Variants in SYT17 observed in about 807,000 individuals in gnomAD.
The protein encoded by SYT17 is synaptotagmin 17.
Under a neutral mutation model 46.7 loss-of-function variants are expected in SYT17, and 22 were observed. The ratio of observed to expected loss-of-function variants is 0.47; its 90% CI spans 0.34 to 0.67. The LOEUF is 0.67. Ranked by LOEUF, SYT17 falls within the 30% of genes least tolerant of loss-of-function variation. SYT17 has a pLI of 0.01. For missense variants in SYT17, 519 were observed against 612.8 expected, an observed-to-expected ratio of 0.85 and a Z score of 1.62; for synonymous variants, 251 against 248.4, an observed-to-expected ratio of 1.01 and a Z score of -0.10.
Position 19,268,197 on chromosome 16 carries a change from ATCTCTCTC to A in SYT17, c.*1131_*1138del, listed in dbSNP as rs917469208. The A allele has an allele frequency of 9.3e-6, 1 of 107,910 alleles. No individual in the cohort carries two copies. The highest frequency in any genetic ancestry group is 3.0e-5 in the African/African-American group (1 of 33,184). The allele number at this position is 107,910 out of a possible 1,614,324, so 6.7% of individuals were successfully genotyped here. A position where few individuals can be genotyped will look rare whatever the true frequency, so the allele number is the denominator to read the frequency against. ...TAAGGAATTAGTGTAGTTAGAATAGATCTCTCTCTCTCTCTCTTTCTCTCTCTCTCTTT... is the reference window on the plus strand; with the variant it reads ...TAAGGAATTAGTGTAGTTAGAATAGATCTCTCTCTTTCTCTCTCTCTCTTT... On this transcript the variant is annotated 3_prime_UTR_variant, in exon 8 of 8. Coordinates refer to ENST00000355377, the MANE Select transcript of SYT17 (RefSeq NM_016524.4).
intron 5 of SYT17, among the ~76,000 whole-genome samples, chr16:19,194,483 A>C (rs2142691257): frequency 6.6e-6 from 1 of 152,312 alleles, no homozygotes; most frequent in East Asian, 1.9e-4. Flanking sequence ...GGTCAACAGG[A>C]AACACCCTCA....
intron 7 of SYT17, among the ~76,000 whole-genome samples, chr16:19,250,614 T>C (rs1430620864): frequency 6.6e-6 from 1 of 152,166 alleles, no homozygotes. Context: ...GCTCAAGTGA[T>C]CCTCTTGCCT....
At chr16:19,243,260 G>C (rs1462713236) in intron 7 of SYT17, among the ~76,000 whole-genome samples, 1 of 152,202 alleles carries the variant, frequency 6.6e-6, no homozygotes, top group Non-Finnish European at 1.5e-5. Context: ...GCTCTTTGGG[G>C]CCTGTTGTTC....
At position 19,184,531 on chromosome 16, in the gene SYT17, G is replaced by A. The variant is rs190010789; in HGVS notation, c.951+384G>A. ...CTCCTGAGTAGCTGGGACTATAGGCGCCCGCCACCACGCCCTGCTAATTTT... is the reference window on the plus strand; with the variant it reads ...CTCCTGAGTAGCTGGGACTATAGGCACCCGCCACCACGCCCTGCTAATTTT... On this transcript the variant is annotated intron_variant, in intron 5 of 7. Coordinates refer to ENST00000355377, the MANE Select transcript of SYT17 (RefSeq NM_016524.4). Among the ~76,000 whole-genome samples, 78 of 150,230 alleles carry A rather than the reference G, an allele frequency of 5.2e-4. 1 individual carries two copies. Among genetic ancestry groups the A allele is most frequent in the African/African-American group, 1.6e-3 (66 of 40,932 alleles).
rs969958172 is a variant in SYT17 at position 19,197,250 on chromosome 16, G to A, written c.951+13103G>A. ...TGGCCAGAGCTGGGCCCAGGCCAGC[G>A]TCTTACAAAGCAGCCATTAACTAGA... On this transcript the variant is annotated intron_variant, in intron 5 of 7. Transcript: ENST00000355377. Among the ~76,000 whole-genome samples the A allele has an allele frequency of 5.3e-5, 8 of 152,330 alleles. No homozygotes were observed. In the South Asian group the frequency reaches 1.4e-3, roughly 28 times the overall value.
intron 7 of SYT17, among the ~76,000 whole-genome samples, chr16:19,258,411 C>G (rs1209450396): frequency 6.6e-6 from 1 of 152,106 alleles, no homozygotes; most frequent in East Asian, 1.9e-4. Flanking sequence ...GAGGCTGAGG[C>G]AGGCGAATCA....
intron 4 of SYT17, among the ~76,000 whole-genome samples, chr16:19,182,629 A>G (rs1051143830): frequency 1.3e-5 from 2 of 152,174 alleles, no homozygotes; most frequent in East Asian, 1.9e-4. Context: ...AGTACCTCCC[A>G]TGCCTCTGGC....
At chr16:19,220,303 C>CTTTCTTTCTTTTTTT (rs776097400) in intron 5 of SYT17, among the ~76,000 whole-genome samples, 2 of 80,512 alleles carry the variant, frequency 2.5e-5, no homozygotes, top group Admixed American at 1.7e-4. Context: ...TTCTTTCTTT[C>CTTTCTTTCTTTTTTT]TTTTTTTTTT....
chr16:19,244,897 G>A (rs768526079), intron 7 of SYT17, among the ~76,000 whole-genome samples: 51 of 152,336 alleles, frequency 3.3e-4, no homozygotes, highest in Non-Finnish European at 5.9e-4. Context: ...CTGAAACTCT[G>A]AAGGAGAGGC....
intron 7 of SYT17, among the ~76,000 whole-genome samples, chr16:19,230,210 C>A (rs1430933135): frequency 6.6e-6 from 1 of 152,060 alleles, no homozygotes; most frequent in East Asian, 1.9e-4. Context: ...GAGTTTGAGA[C>A]CAGCCTGGCC....
At chr16:19,211,263 G>A (rs902721644) in intron 5 of SYT17, 31 of 542,670 alleles carry the variant, frequency 5.7e-5, no homozygotes, top group Non-Finnish European at 3.6e-5. Context: ...TCCTGTCTTG[G>A]CTTCGATTCT....
At chr16:19,174,945 C>A (rs549906823) in intron 3 of SYT17, among the ~76,000 whole-genome samples, 8 of 152,058 alleles carry the variant, frequency 5.3e-5, no homozygotes, top group African/African-American at 1.9e-4. Flanking sequence ...TAGTGAGACC[C>A]CCCCCATGCC....
rs143144594 is a variant in SYT17 at position 19,261,448 on chromosome 16, A to G, written c.1229-5432A>G. On this transcript the variant is annotated intron_variant, in intron 7 of 7. Coordinates refer to ENST00000355377, the MANE Select transcript of SYT17 (RefSeq NM_016524.4). ...CAAGGGCCAAGTGATTCACCAGCCA[A>G]GTTACTTTACAAATTGGGATGAGGA... 3.6e-3 allele frequency among the ~76,000 whole-genome samples: 550 copies of G among 152,360 alleles called. 6 individuals carry two copies. The highest frequency in any genetic ancestry group is 0.014 in the Middle Eastern group (4 of 294).
Position 19,224,793 on chromosome 16 carries a change from A to G in SYT17, c.1183A>G (p.Lys395Glu). Residue 395 changes from lysine to glutamate, a missense_variant, in exon 7 of 8, where the codon AAA (lysine) becomes GAA (glutamate). Transcript: ENST00000355377. Reference sequence around the variant, plus strand: ...TTTCTACAATGAATCCTTCAGCTTCAAAGTTCCCCAAGAAGAACTGGAAAA... The same window carrying G: ...TTTCTACAATGAATCCTTCAGCTTCGAAGTTCCCCAAGAAGAACTGGAAAA... ...DPFYNESFSF[K>E]VPQEELENAS... The G allele has an allele frequency of 6.2e-7, 1 of 1,614,152 alleles. No homozygotes were observed. Among genetic ancestry groups the G allele is most frequent in the Non-Finnish European group, 8.5e-7 (1 of 1,179,962 alleles).
At chr16:19,207,506 T>G (rs764185974) in intron 5 of SYT17, among the ~76,000 whole-genome samples, 5 of 152,046 alleles carry the variant, frequency 3.3e-5, no homozygotes, top group Admixed American at 1.3e-4. Flanking sequence ...ATACCTCATA[T>G]GGCCAGAGCA....
chr16:19,243,600 TG>T (rs1967294868), intron 7 of SYT17, among the ~76,000 whole-genome samples: 2 of 151,882 alleles, frequency 1.3e-5, no homozygotes, highest in African/African-American at 4.8e-5. Flanking sequence ...CACCTGAGGT[TG>T]GGAGTTCAAG....
At chr16:19,224,937 G>A (rs915210881) in intron 7 of SYT17, 99 bp downstream of exon 7, 29 of 1,379,580 alleles carry the variant, frequency 2.1e-5, no homozygotes, top group African/African-American at 2.9e-5. Flanking sequence ...ATTTAAGAAC[G>A]TAATGTCTGG....
intron 7 of SYT17, among the ~76,000 whole-genome samples, chr16:19,256,073 T>A (rs1033771939): frequency 2.6e-5 from 4 of 152,178 alleles, no homozygotes; most frequent in Non-Finnish European, 5.9e-5. Flanking sequence ...AAGGAAATAA[T>A]AAAATAGAGG....
At chr16:19,198,951 G>A (rs367816345) in intron 5 of SYT17, among the ~76,000 whole-genome samples, 2 of 152,224 alleles carry the variant, frequency 1.3e-5, no homozygotes, top group Non-Finnish European at 2.9e-5. Context: ...ATCTGGGATT[G>A]AGAAGATGAG....
Sources: allele counts gnomAD v4.1 joint callset (sites outside exome capture counted in the v4.1 genomes callset), GRCh38; gene constraint gnomAD v4.1.1; transcripts MANE v1.5; gene names NCBI Gene and HGNC (gene_info 2026-07-23, HGNC 2026-07-21).